The following ANO4 variants were observed in gnomAD, a reference collection of about 807,000 sequenced individuals.
ANO4 encodes anoctamin 4, also known as anoctamin-4.
ANO4 carries 69 observed loss-of-function variants against 141.9 expected under a neutral mutation model. The ratio of observed to expected loss-of-function variants is 0.49; its 90% CI spans 0.40 to 0.59. ANO4 has a LOEUF of 0.59. ANO4 is among the 20% of genes least tolerant of loss of function. The pLI is 0.00. For missense variants in ANO4, 894 were observed against 1,162.2 expected (o/e 0.77, Z 3.36); for synonymous variants, 350 against 394.3 (o/e 0.89, Z 1.33).
chr12:101,060,070 G>T (rs2048286941), intron 14 of ANO4, among the ~76,000 whole-genome samples: 1 of 152,186 alleles, frequency 6.6e-6, no homozygotes, highest in Non-Finnish European at 1.5e-5. Context: ...AGAGATTCTG[G>T]TACGTTGTGC....
At chr12:101,020,964 A>G (rs1181301161) in intron 9 of ANO4, among the ~76,000 whole-genome samples, 1 of 152,208 alleles carries the variant, frequency 6.6e-6, no homozygotes, top group Non-Finnish European at 1.5e-5. Context: ...AGAAAGTTTT[A>G]TATAAATAAT....
intron 1 of ANO4, among the ~76,000 whole-genome samples, chr12:100,817,514 A>G (rs1245886638): frequency 6.6e-6 from 1 of 151,966 alleles, no homozygotes; most frequent in East Asian, 1.9e-4. Context: ...AAAATAATAT[A>G]TGTAAAATGT....
chr12:100,884,286 C>G (rs751362277), intron 1 of ANO4, among the ~76,000 whole-genome samples: 3 of 152,170 alleles, frequency 2.0e-5, no homozygotes, highest in Non-Finnish European at 4.4e-5. Context: ...TTAGGCTTCT[C>G]TGAATTAACA....
chr12:100,806,797 C>A (rs2035083067), intron 1 of ANO4, among the ~76,000 whole-genome samples: 1 of 151,814 alleles, frequency 6.6e-6, no homozygotes, highest in South Asian at 2.1e-4. Context: ...CTGCCTTGGC[C>A]TCCCAAAGTG....
intron 15 of ANO4, among the ~76,000 whole-genome samples, chr12:101,081,551 C>T (rs1257539115): frequency 2.6e-5 from 4 of 152,206 alleles, no homozygotes; most frequent in Non-Finnish European, 4.4e-5. Flanking sequence ...GTGGAAATGC[C>T]TCACTTCTAG....
At chr12:100,940,285 C>A (rs11829378) in intron 4 of ANO4, among the ~76,000 whole-genome samples, 1 of 151,236 alleles carries the variant, frequency 6.6e-6, no homozygotes, top group Non-Finnish European at 1.5e-5. Context: ...CATAATGTGG[C>A]GTAAAGAATG....
chr12:101,002,531 G>A (rs1389160849), intron 8 of ANO4, among the ~76,000 whole-genome samples: 3 of 152,192 alleles, frequency 2.0e-5, no homozygotes, highest in African/African-American at 7.2e-5. Flanking sequence ...TGCAGCATGG[G>A]AATGGAAGTG....
chr12:101,086,568 C>T (rs1471928832), intron 16 of ANO4, 92 bp from the exon 17 acceptor site: 3 of 1,450,958 alleles, frequency 2.1e-6, no homozygotes, highest in South Asian at 2.4e-5. Flanking sequence ...GGTGTTACTT[C>T]CTTTTCCCAT....
intron 5 of ANO4, among the ~76,000 whole-genome samples, chr12:100,954,998 A>G (rs755613410): frequency 6.6e-6 from 1 of 152,156 alleles, no homozygotes; most frequent in Non-Finnish European, 1.5e-5. Context: ...TCCTTCCACC[A>G]TAACTGCCCA....
intron 1 of ANO4, among the ~76,000 whole-genome samples, chr12:100,900,074 TA>T (rs149581966): frequency 0.13 from 19,671 of 151,420 alleles, 2,088 homozygotes; most frequent in African/African-American, 0.28. Flanking sequence ...ACACAATTTT[TA>T]TTAAAAAGTA....
rs1156286515 is a variant in ANO4, at chr12:100,944,652, CTT to C, written c.456+2119_456+2120del. Reference sequence around the variant, plus strand: ...CTGCCTGGCTCGAGTCTTGCCCTGACTTTGCATAAATGGTGCAATTTCTCTCT... The same window carrying C: ...CTGCCTGGCTCGAGTCTTGCCCTGACTGCATAAATGGTGCAATTTCTCTCT... On this transcript the variant is annotated intron_variant, in intron 5 of 27. Transcript: ENST00000392977. Among the ~76,000 whole-genome samples, 7 of 152,240 alleles carry C rather than the reference CTT, an allele frequency of 4.6e-5. No individual in the cohort carries two copies. The East Asian group carries it at 1.2e-3, about 25-fold the overall frequency.
At chr12:100,780,050 G>T (rs1514799) in intron 3 of ANO4, among the ~76,000 whole-genome samples, 1 of 151,776 alleles carries the variant, frequency 6.6e-6, no homozygotes, top group Admixed American at 6.6e-5. Context: ...TTAAGACAGG[G>T]TATTACCCTG....
intron 6 of ANO4, among the ~76,000 whole-genome samples, chr12:100,973,493 A>T (rs1453669640): frequency 6.6e-6 from 1 of 152,222 alleles, no homozygotes; most frequent in African/African-American, 2.4e-5. Context: ...GAGAAATTAC[A>T]GTAAAACCTG....
At chr12:100,765,393 T>C (rs959190106) in intron 3 of ANO4, among the ~76,000 whole-genome samples, 18 of 149,546 alleles carry the variant, frequency 1.2e-4, no homozygotes, top group African/African-American at 4.2e-4. Context: ...TTTTTTTTTT[T>C]TTTGAGACAG....
In ANO4 at chr12:101,070,754, T is replaced by C. The variant is rs192383713; in HGVS notation, c.1313-8439T>C. ...GAACCCACAGAAATGGGAGAAAATA[T>C]TTGTAAACTATCCGTCTGATAAGGG... On this transcript the variant is annotated intron_variant, in intron 14 of 27. Transcript: ENST00000392977. Among the ~76,000 whole-genome samples the C allele has an allele frequency of 7.0e-4, 106 of 152,252 alleles. No homozygotes were observed. The East Asian group carries it at 0.012, about 18-fold the overall frequency.
intron 11 of ANO4, 66 bp from the exon 12 acceptor site, chr12:101,042,268 G>A (rs1280106608): frequency 5.0e-6 from 8 of 1,589,018 alleles, no homozygotes; most frequent in African/African-American, 1.3e-5. Flanking sequence ...ATGACTATAC[G>A]AAGTTTCATA....
At chr12:100,808,635 G>T (rs1483222468) in intron 1 of ANO4, among the ~76,000 whole-genome samples, 1 of 152,062 alleles carries the variant, frequency 6.6e-6, no homozygotes, top group Non-Finnish European at 1.5e-5. Flanking sequence ...ATTTGACATG[G>T]TTTATAAGTA....
chr12:100,932,143 G>A (rs556036697), intron 3 of ANO4, among the ~76,000 whole-genome samples: 3 of 151,980 alleles, frequency 2.0e-5, no homozygotes, highest in Non-Finnish European at 4.4e-5. Context: ...ATGCTGCAAA[G>A]CCCTCTTCTG....
chr12:101,085,653 A>G (rs2049461220), intron 16 of ANO4, among the ~76,000 whole-genome samples: 1 of 152,158 alleles, frequency 6.6e-6, no homozygotes, highest in Non-Finnish European at 1.5e-5. Flanking sequence ...GGACAACTGC[A>G]TTTCATAGAG....
Sources: gnomAD v4.1 joint callset for allele counts (sites outside exome capture counted in the v4.1 genomes callset) on GRCh38, gnomAD v4.1.1 for gene constraint, MANE v1.5 for transcripts, NCBI Gene and HGNC (gene_info 2026-07-23, HGNC 2026-07-21) for gene names.